The following ELAPOR2 variants were observed in gnomAD, a reference collection of about 807,000 sequenced individuals.
ELAPOR2 encodes the protein endosome/lysosome-associated apoptosis and autophagy regulator family member 2.
In ELAPOR2, 89 loss-of-function variants were observed where a neutral mutation model predicts 120.7. The observed-to-expected ratio is 0.74, with a 90% CI of 0.62 to 0.88. The LOEUF (loss-of-function observed/expected upper bound fraction) is 0.88, where lower values mean the gene tolerates loss of function less well. ELAPOR2 is among the 40% of genes least tolerant of loss of function. The pLI is 0.00. For synonymous variants in ELAPOR2, 444 were observed against 444.9 expected, an observed-to-expected ratio of 1.00 and a Z score of 0.03; for missense variants, 1,134 against 1,251.6, an observed-to-expected ratio of 0.91 and a Z score of 1.42.
chr7:87,018,475 G>A (rs1321637066), intron 1 of ELAPOR2, among the ~76,000 whole-genome samples: 1 of 152,086 alleles, frequency 6.6e-6, no homozygotes, highest in Non-Finnish European at 1.5e-5. Flanking sequence ...CAAATGATTT[G>A]GATTGTCTAA....
chr7:86,907,612 C>T (rs915666778), intron 18 of ELAPOR2, 58 bp downstream of exon 18: 2 of 1,018,402 alleles, frequency 2.0e-6, no homozygotes, highest in Non-Finnish European at 1.5e-6. Flanking sequence ...AAAATAGTAA[C>T]ATTCTGGAGA....
At chr7:87,028,587 C>T (rs1260940216) in intron 1 of ELAPOR2, among the ~76,000 whole-genome samples, 3 of 152,092 alleles carry the variant, frequency 2.0e-5, no homozygotes, top group Non-Finnish European at 4.4e-5. Flanking sequence ...CATTCCACAC[C>T]TAACACCTTA....
intron 2 of ELAPOR2, among the ~76,000 whole-genome samples, chr7:86,954,170 A>G (rs766258380): frequency 3.8e-4 from 58 of 152,256 alleles, no homozygotes; most frequent in Non-Finnish European, 6.2e-4. Context: ...TAATAATCCA[A>G]TGTGAGACTC....
intron 1 of ELAPOR2, among the ~76,000 whole-genome samples, chr7:86,985,169 A>G (rs4415251): frequency 0.38 from 57,521 of 152,026 alleles, 11,736 homozygotes; most frequent in African/African-American, 0.53. Flanking sequence ...GAATAGACCA[A>G]TAACAGGCTC....
At position 87,020,244 on chromosome 7, in the gene ELAPOR2, G is replaced by A. The variant is rs574002298; in HGVS notation, c.189+39081C>T. On this transcript the variant is annotated intron_variant, in intron 1 of 21. Coordinates refer to ENST00000450689, the MANE Select transcript of ELAPOR2 (RefSeq NM_001142749.3). ...AGCAAAACATAAATTTGAAGTAATT[G>A]TAATTCTGTATTTTCTAAATTTTCT... Among the ~76,000 whole-genome samples, 56 of 152,110 alleles carry A rather than the reference G, an allele frequency of 3.7e-4. 2 individuals are homozygous for A. The South Asian group carries it at 9.6e-3, about 26-fold the overall frequency.
chr7:86,956,172 A>G (rs1390126613), intron 2 of ELAPOR2, among the ~76,000 whole-genome samples: 1 of 152,112 alleles, frequency 6.6e-6, no homozygotes, highest in Non-Finnish European at 1.5e-5. Context: ...AATCCCACCA[A>G]TAACAATTTT....
At chr7:86,940,776 CT>C (rs936434070) in intron 5 of ELAPOR2, among the ~76,000 whole-genome samples, 1 of 151,968 alleles carries the variant, frequency 6.6e-6, no homozygotes, top group African/African-American at 2.4e-5. Flanking sequence ...ATTTACCCCC[CT>C]TATTCTTCTA....
At chr7:87,017,383 G>C (rs907113053) in intron 1 of ELAPOR2, among the ~76,000 whole-genome samples, 1 of 152,148 alleles carries the variant, frequency 6.6e-6, no homozygotes, top group East Asian at 1.9e-4. Context: ...CCACACAGTG[G>C]AATTCTGTAC....
chr7:87,024,204 C>T lies in ELAPOR2; in HGVS notation c.189+35121G>A, dbSNP rs564886105. Among the ~76,000 whole-genome samples, 21 of 152,190 alleles carry T rather than the reference C, an allele frequency of 1.4e-4. 1 individual carries two copies. In the South Asian group the frequency reaches 2.7e-3, roughly 20 times the overall value. ...AGTATGATATTGGCTGTGAGTTTGT[C>T]GTAGATAGCTCTCATTATTTTGAGA... On this transcript the variant is annotated intron_variant, in intron 1 of 21. Transcript: ENST00000450689.
At chr7:86,989,988 T>C (rs945637765) in intron 1 of ELAPOR2, among the ~76,000 whole-genome samples, 3 of 152,030 alleles carry the variant, frequency 2.0e-5, no homozygotes, top group African/African-American at 7.2e-5. Context: ...TGTGACAGTA[T>C]TGAGAGGTGG....
intron 1 of ELAPOR2, among the ~76,000 whole-genome samples, chr7:87,015,811 C>T (rs1793848695): frequency 6.6e-6 from 1 of 151,926 alleles, no homozygotes; most frequent in African/African-American, 2.4e-5. Context: ...GGTGACAGAG[C>T]AAAAAATATA....
At chr7:87,006,483 A>C (rs4728660) in intron 1 of ELAPOR2, among the ~76,000 whole-genome samples, 57,024 of 151,426 alleles carry the variant, frequency 0.38, 11,506 homozygotes, top group African/African-American at 0.52. Flanking sequence ...TGTAACAAAC[A>C]TGCACATTCT....
intron 18 of ELAPOR2, among the ~76,000 whole-genome samples, chr7:86,906,614 A>G (rs1361157607): frequency 3.3e-5 from 5 of 152,178 alleles, no homozygotes; most frequent in Non-Finnish European, 7.3e-5. Flanking sequence ...GAAACTATCA[A>G]AAACAAAATT....
chr7:86,926,475 T>C (rs997058952), intron 9 of ELAPOR2, among the ~76,000 whole-genome samples: 2 of 151,982 alleles, frequency 1.3e-5, no homozygotes, highest in African/African-American at 2.4e-5. Flanking sequence ...ATGGGGGACA[T>C]AGATTCAAAT....
Position 86,893,063 on chromosome 7 carries a change from A to G in ELAPOR2, c.2723T>C (p.Ile908Thr), listed in dbSNP as rs1304635470. 2 of 1,568,836 alleles carry G rather than the reference A, an allele frequency of 1.3e-6. No homozygotes were observed. The highest frequency in any genetic ancestry group is 2.0e-5 in the Admixed American group (1 of 50,768). ...LYVWNEPKWC[I>T]KGISLPEKKL... ...TTTCTCAGGCAAAGAAATTCCTTTAATGCACCATTTAGGTTCATTCCACAC... is the reference window on the plus strand; with the variant it reads ...TTTCTCAGGCAAAGAAATTCCTTTAGTGCACCATTTAGGTTCATTCCACAC... Residue 908 changes from isoleucine to threonine, a missense_variant, in exon 20 of 22, where the codon ATT becomes ACT. Ile to Thr is a moderately conservative substitution (Grantham distance 89). Coordinates refer to ENST00000450689, the MANE Select transcript of ELAPOR2 (RefSeq NM_001142749.3).
chr7:86,973,235 T>TTGCA (rs1314522254), intron 1 of ELAPOR2, among the ~76,000 whole-genome samples: 4 of 152,178 alleles, frequency 2.6e-5, no homozygotes, highest in Non-Finnish European at 5.9e-5. Flanking sequence ...CAATCTTGGA[T>TTGCA]TGCATAAAAT....
intron 1 of ELAPOR2, among the ~76,000 whole-genome samples, chr7:87,001,199 T>C (rs1032898692): frequency 1.3e-5 from 2 of 152,130 alleles, no homozygotes; most frequent in Non-Finnish European, 2.9e-5. Context: ...TGTGTTTAAA[T>C]ATCCCTTGGT....
chr7:86,946,308 T>C (rs1002424820), intron 3 of ELAPOR2, among the ~76,000 whole-genome samples: 1 of 152,154 alleles, frequency 6.6e-6, no homozygotes, highest in African/African-American at 2.4e-5. Flanking sequence ...TCTACAATGA[T>C]ATAACCATTT....
intron 1 of ELAPOR2, among the ~76,000 whole-genome samples, chr7:87,025,295 C>T (rs1475802306): frequency 6.6e-6 from 1 of 152,072 alleles, no homozygotes; most frequent in Non-Finnish European, 1.5e-5. Flanking sequence ...CCAGTATGAC[C>T]ATATTGGACA....
Sources: gnomAD v4.1 joint callset for allele counts (sites outside exome capture counted in the v4.1 genomes callset) on GRCh38, gnomAD v4.1.1 for gene constraint, MANE v1.5 for transcripts, NCBI Gene and HGNC (gene_info 2026-07-23, HGNC 2026-07-21) for gene names.